The following CCDC191 variants were observed in gnomAD, a reference collection of about 807,000 sequenced individuals.
CCDC191 encodes coiled-coil domain-containing protein 191.
In CCDC191, 99 loss-of-function variants were observed where a neutral mutation model predicts 114.0. The observed-to-expected ratio is 0.87, with a 90% confidence interval of 0.74 to 1.03. The LOEUF (loss-of-function observed/expected upper bound fraction) is 1.03, where lower values mean the gene tolerates loss of function less well. Among genes scored for constraint, CCDC191 ranks in the 50% least tolerant of loss-of-function variants. CCDC191 has a pLI of 0.00. For missense variants in CCDC191, 973 were observed against 1,087.0 expected, an observed-to-expected ratio of 0.90 and a Z score of 1.47; for synonymous variants, 351 against 376.0, an observed-to-expected ratio of 0.93 and a Z score of 0.77.
intron 6 of CCDC191, among the ~76,000 whole-genome samples, chr3:114,032,475 G>T (rs2076420259): frequency 6.6e-6 from 1 of 152,106 alleles, no homozygotes; most frequent in Admixed American, 6.6e-5. Flanking sequence ...GCATTTAACT[G>T]CACAGGTATA....
At chr3:113,984,605 A>T (rs1230003624) in intron 13 of CCDC191, 1 of 152,252 alleles carries the variant, frequency 6.6e-6, no homozygotes, top group East Asian at 1.9e-4. Flanking sequence ...GACAATTGCC[A>T]TGTGCATTTT....
Position 114,017,284 on chromosome 3 carries a change from T to C in CCDC191, c.1163+1394A>G, listed in dbSNP as rs185867352. On this transcript the variant is annotated intron_variant, in intron 8 of 16. Transcript: ENST00000295878. ...CTACCTAGGAACATCCTATTGACCA[T>C]GAAAAGCTCAGATCAAGGCCCATCT... Among the ~76,000 whole-genome samples, 289 of 152,296 alleles carry C rather than the reference T, an allele frequency of 1.9e-3. 2 individuals are homozygous for C. The highest frequency in any genetic ancestry group is 1.9e-3 in the Non-Finnish European group (132 of 68,010).
intron 2 of CCDC191, among the ~76,000 whole-genome samples, chr3:114,050,631 AG>A (rs1388946929): frequency 1.3e-5 from 2 of 152,188 alleles, no homozygotes; most frequent in Admixed American, 6.5e-5. Flanking sequence ...TCAAAGCAAA[AG>A]GAACACCTGT....
At chr3:113,978,634 T>TA in intron 15 of CCDC191, 1 of 598,458 alleles carries the variant, frequency 1.7e-6, no homozygotes. Context: ...AATGATAACT[T>TA]ACAGTTTATA....
chr3:113,986,588 ACC>A lies in CCDC191; in HGVS notation c.2164-5797_2164-5796del, dbSNP rs371995041. Among the ~76,000 whole-genome samples the A allele has an allele frequency of 1.3e-3, 202 of 152,246 alleles. 3 individuals are homozygous for A. Among genetic ancestry groups the A allele is most frequent in the African/African-American group, 4.6e-3 (190 of 41,524 alleles). The stretch of plus-strand genomic sequence containing the variant: ...GTCTTGAAGGTAGCTAAAGGGAAAG[ACC>A]CACATTACCTACTGTCATGAACTGA... On this transcript the variant is annotated intron_variant, in intron 13 of 16. Transcript: ENST00000295878.
At chr3:114,006,866 G>C (rs2075980752) in intron 9 of CCDC191, among the ~76,000 whole-genome samples, 1 of 151,838 alleles carries the variant, frequency 6.6e-6, no homozygotes, top group Non-Finnish European at 1.5e-5. Context: ...TCCCGTTAAA[G>C]CCTAGCTAAC....
chr3:114,043,628 T>C (rs1162579213), intron 3 of CCDC191, among the ~76,000 whole-genome samples: 2 of 152,192 alleles, frequency 1.3e-5, no homozygotes, highest in Non-Finnish European at 2.9e-5. Context: ...CTGAGTACAA[T>C]GGGAAGCCAC....
intron 2 of CCDC191, among the ~76,000 whole-genome samples, chr3:114,048,774 T>C (rs1295613950): frequency 1.3e-5 from 2 of 152,356 alleles, no homozygotes; most frequent in East Asian, 1.9e-4. Flanking sequence ...TAATCACTTA[T>C]TGTCTCCCTC....
At chr3:114,011,845 G>T (rs2076075727) in intron 8 of CCDC191, among the ~76,000 whole-genome samples, 1 of 152,164 alleles carries the variant, frequency 6.6e-6, no homozygotes, top group Non-Finnish European at 1.5e-5. Context: ...GCAGTCAGTT[G>T]AGAATTCAAA....
intron 8 of CCDC191, among the ~76,000 whole-genome samples, chr3:114,014,962 C>T (rs1268472270): frequency 6.6e-6 from 1 of 151,996 alleles, no homozygotes; most frequent in Admixed American, 6.6e-5. Context: ...ATCTAGTATA[C>T]AGTAAACATC....
intron 4 of CCDC191, among the ~76,000 whole-genome samples, chr3:114,038,590 A>T (rs529577987): frequency 6.6e-6 from 1 of 152,190 alleles, no homozygotes; most frequent in Non-Finnish European, 1.5e-5. Flanking sequence ...ATACACCTGC[A>T]TGTATCTTTA....
rs1005158901 is a variant in CCDC191, at chr3:113,973,449, T to C, written c.2606+4737A>G. Among the ~76,000 whole-genome samples, 5 of 152,180 alleles carry C rather than the reference T, an allele frequency of 3.3e-5. No homozygotes were observed. In the South Asian group the frequency reaches 1.0e-3, roughly 31 times the overall value. ...CTTTTTGTGTTAGTGTTTTTTTCTT[T>C]CAGATTGAAGAACTCCCTTTAACAT... On this transcript the variant is annotated intron_variant, in intron 16 of 16. Transcript: ENST00000295878.
intron 7 of CCDC191, among the ~76,000 whole-genome samples, chr3:114,028,417 C>T (rs112908295): frequency 0.031 from 4,741 of 151,686 alleles, 125 homozygotes; most frequent in East Asian, 0.052. Flanking sequence ...TCCCGAGTAG[C>T]TGGGACTACA....
chr3:114,019,802 G>C (rs550558626), intron 7 of CCDC191, among the ~76,000 whole-genome samples: 2 of 152,202 alleles, frequency 1.3e-5, no homozygotes, highest in South Asian at 4.1e-4. Flanking sequence ...AACTACAGTA[G>C]TCACCTCTCT....
rs1354092687 is a variant in CCDC191, at chr3:114,020,678, T to TG, written c.973-1811dup. Reference sequence around the variant, plus strand: ...CAGCATGAAAAAAATGGTGTTAACTTGTGTGCCATGGTTGAAAGAAAATGT... The same window carrying TG: ...CAGCATGAAAAAAATGGTGTTAACTTGGTGTGCCATGGTTGAAAGAAAATGT... On this transcript the variant is annotated intron_variant, in intron 7 of 16. Transcript: ENST00000295878. Among the ~76,000 whole-genome samples, 3 of 152,246 alleles carry TG rather than the reference T, an allele frequency of 2.0e-5. No homozygotes were observed. The East Asian group carries it at 5.8e-4, about 29-fold the overall frequency.
At chr3:114,003,978 A>C (rs1403417698) in intron 11 of CCDC191, 1 of 985,442 alleles carries the variant, frequency 1.0e-6, no homozygotes, top group East Asian at 1.1e-4. Context: ...AGTTTAAATA[A>C]GGGTTTCTGG....
chr3:114,042,116 G>A (rs1207919598), intron 4 of CCDC191, among the ~76,000 whole-genome samples: 1 of 152,068 alleles, frequency 6.6e-6, no homozygotes, highest in Non-Finnish European at 1.5e-5. Context: ...GCATCAAACA[G>A]TCCAATGATA....
intron 6 of CCDC191, among the ~76,000 whole-genome samples, chr3:114,033,487 T>C (rs556952379): frequency 7.2e-4 from 110 of 152,326 alleles, no homozygotes; most frequent in African/African-American, 2.5e-3. Flanking sequence ...ACGGCTCTTG[T>C]TGTTTACTGC....
intron 7 of CCDC191, among the ~76,000 whole-genome samples, chr3:114,023,304 C>T (rs1328624416): frequency 6.6e-6 from 1 of 152,184 alleles, no homozygotes; most frequent in African/African-American, 2.4e-5. Context: ...AGATTCAGTG[C>T]TATCCCCATC....
Sources: allele counts gnomAD v4.1 joint callset (sites outside exome capture counted in the v4.1 genomes callset), GRCh38; gene constraint gnomAD v4.1.1; transcripts MANE v1.5; gene names NCBI Gene and HGNC (gene_info 2026-07-23, HGNC 2026-07-21).